Variants in SEC63 observed in about 807,000 individuals in gnomAD.
The protein encoded by SEC63 is translocation protein SEC63 homolog.
A neutral mutation model predicts 116.2 loss-of-function variants in SEC63; 56 were observed. That is an observed-to-expected ratio of 0.48 (90% CI 0.39 to 0.60). SEC63 has a LOEUF of 0.60. Ranked by LOEUF, SEC63 falls within the 20% of genes least tolerant of loss-of-function variation. The pLI, the probability that SEC63 is intolerant of heterozygous loss-of-function variation, is 0.00. For missense variants in SEC63, 668 were observed against 900.0 expected (o/e 0.74, Z 3.30); for synonymous variants, 273 against 294.6 (o/e 0.93, Z 0.75).
chr6:107,912,684 C>T, intron 6 of SEC63, 32 bp downstream of exon 6: 2 of 1,424,580 alleles, frequency 1.4e-6, no homozygotes, highest in Non-Finnish European at 9.9e-7. Context: ...TTGTCTAATA[C>T]ATCATAATGT....
At chr6:107,951,041 C>T (rs1321169445) in intron 1 of SEC63, among the ~76,000 whole-genome samples, 2 of 152,138 alleles carry the variant, frequency 1.3e-5, no homozygotes, top group Admixed American at 6.5e-5. Context: ...CAAAATTATG[C>T]ACTTACAAAT....
Position 107,871,584 on chromosome 6 carries a change from A to G in SEC63, c.*120T>C. The stretch of plus-strand genomic sequence containing the variant: ...AGTTATATTATGCACCCATTTCAAG[A>G]GTAAAAAAACTACACCTCCCTCAAC... On this transcript the variant is annotated 3_prime_UTR_variant, in exon 21 of 21. Coordinates refer to ENST00000369002, the MANE Select transcript of SEC63 (RefSeq NM_007214.5). The G allele has an allele frequency of 1.1e-6, 1 of 884,720 alleles. No homozygotes were observed. The highest frequency in any genetic ancestry group is 1.9e-6 in the Non-Finnish European group (1 of 533,080). 54.8% of individuals were successfully genotyped at this position (884,720 alleles called of 1,614,324 possible).
At chr6:107,954,412 C>A (rs1186910363) in intron 1 of SEC63, among the ~76,000 whole-genome samples, 1 of 148,880 alleles carries the variant, frequency 6.7e-6, no homozygotes, top group Non-Finnish European at 1.5e-5. Flanking sequence ...CCACTATTGT[C>A]CTATGACCCT....
intron 20 of SEC63, 99 bp downstream of exon 20, chr6:107,872,709 T>G: frequency 1.3e-6 from 1 of 756,722 alleles, no homozygotes; most frequent in Admixed American, 2.2e-5. Flanking sequence ...GACTTCTTTT[T>G]CCTTCCATAA....
intron 13 of SEC63, among the ~76,000 whole-genome samples, chr6:107,899,723 AAAAAG>A (rs1158500897): frequency 6.6e-6 from 1 of 151,746 alleles, no homozygotes; most frequent in Non-Finnish European, 1.5e-5. Context: ...TCTCAAAAAA[AAAAAG>A]AAAAGAAAAG....
chr6:107,889,136 T>C (rs547568398), intron 16 of SEC63, among the ~76,000 whole-genome samples: 1 of 152,342 alleles, frequency 6.6e-6, no homozygotes, highest in Non-Finnish European at 1.5e-5. Flanking sequence ...CCTCTTTTTC[T>C]GTTGTTTGGA....
chr6:107,957,057 G>A (rs2114529119), intron 1 of SEC63, among the ~76,000 whole-genome samples: 1 of 151,926 alleles, frequency 6.6e-6, no homozygotes, highest in East Asian at 1.9e-4. Context: ...GCAACAAATG[G>A]ATGCAAACAT....
intron 1 of SEC63, among the ~76,000 whole-genome samples, chr6:107,938,604 C>G (rs1007367010): frequency 6.6e-6 from 1 of 150,672 alleles, no homozygotes; most frequent in South Asian, 2.1e-4. Context: ...ACTCTGTCAC[C>G]CAGGCTGGAG....
chr6:107,902,150 C>G (rs1466993934), intron 12 of SEC63, among the ~76,000 whole-genome samples: 1 of 152,024 alleles, frequency 6.6e-6, no homozygotes, highest in Non-Finnish European at 1.5e-5. Context: ...CTTTTAGATT[C>G]TGAAGTTTTT....
intron 11 of SEC63, among the ~76,000 whole-genome samples, chr6:107,903,818 C>A (rs1379562967): frequency 2.6e-5 from 4 of 152,262 alleles, no homozygotes; most frequent in Middle Eastern, 3.4e-3. Flanking sequence ...AATTTTAAAT[C>A]TTTGCAAACA....
chr6:107,872,066 C>T (rs1464592508), intron 20 of SEC63, among the ~76,000 whole-genome samples: 5 of 152,038 alleles, frequency 3.3e-5, no homozygotes, highest in Admixed American at 3.3e-4. Flanking sequence ...ATTTCTAATA[C>T]AGTTTGATAT....
chr6:107,897,589 T>C (rs924196120), intron 14 of SEC63, 60 bp downstream of exon 14: 5 of 1,188,878 alleles, frequency 4.2e-6, no homozygotes, highest in Admixed American at 1.7e-5. Context: ...ATGAGGGAAA[T>C]AAATATAAAA....
At chr6:107,884,343 A>G (rs1273979397) in intron 16 of SEC63, among the ~76,000 whole-genome samples, 1 of 151,676 alleles carries the variant, frequency 6.6e-6, no homozygotes, top group African/African-American at 2.4e-5. Context: ...AATTGATTAA[A>G]CCCCTAGGCA....
intron 1 of SEC63, among the ~76,000 whole-genome samples, chr6:107,947,302 CAAAACAAAACAA>C (rs1770497945): frequency 6.6e-6 from 1 of 151,074 alleles, no homozygotes; most frequent in Admixed American, 6.6e-5. Flanking sequence ...GTCTCAAAAA[CAAAACAAAACAA>C]AAAACAAAAA....
chr6:107,912,648 A>C, intron 6 of SEC63, 68 bp downstream of exon 6: 3 of 893,178 alleles, frequency 3.4e-6, no homozygotes, highest in Non-Finnish European at 5.6e-6. Flanking sequence ...TTGTATTACC[A>C]AGACAGATTG....
rs955878485 is a variant in SEC63, at chr6:107,868,817, C to T, written c.*2887G>A. The stretch of plus-strand genomic sequence containing the variant: ...TAGCTCCAGTATCCAGTCACAGAGC[C>T]TGGCACATAGAAACTCAGTAAATAT... On this transcript the variant is annotated 3_prime_UTR_variant, in exon 21 of 21. Coordinates refer to ENST00000369002, the MANE Select transcript of SEC63 (RefSeq NM_007214.5). The T allele has an allele frequency of 3.3e-5, 5 of 152,230 alleles. No homozygotes were observed. The highest frequency in any genetic ancestry group is 1.2e-4 in the African/African-American group (5 of 41,544). 9.4% of individuals were successfully genotyped at this position (152,230 alleles called of 1,614,324 possible). A position where few individuals can be genotyped will look rare whatever the true frequency, so the allele number is the denominator to read the frequency against.
intron 16 of SEC63, among the ~76,000 whole-genome samples, chr6:107,888,963 T>G (rs569665939): frequency 8.3e-4 from 127 of 152,356 alleles, no homozygotes; most frequent in Non-Finnish European, 1.7e-3. Context: ...GTGGATAAAC[T>G]TTCTGATGTG....
At chr6:107,953,384 G>C (rs1470861754) in intron 1 of SEC63, among the ~76,000 whole-genome samples, 3 of 152,200 alleles carry the variant, frequency 2.0e-5, no homozygotes, top group Non-Finnish European at 4.4e-5. Flanking sequence ...TGCCCCGTCC[G>C]GGAAGGAGGT....
In SEC63 at chr6:107,958,185, C is replaced by T. The variant is rs1770757593; in HGVS notation, c.-176G>A. The T allele has an allele frequency of 1.1e-6, 1 of 943,058 alleles. No individual in the cohort carries two copies. 58.4% of individuals were successfully genotyped at this position (943,058 alleles called of 1,614,324 possible). A position where few individuals can be genotyped will look rare whatever the true frequency, so the allele number is the denominator to read the frequency against. The stretch of plus-strand genomic sequence containing the variant: ...CCGCCGCCACCTCTGCCGCTGCCGC[C>T]GCCGTCGCCAGCTCTCGCGAGAGGA... On this transcript the variant is annotated 5_prime_UTR_variant, in exon 1 of 21. Coordinates refer to ENST00000369002, the MANE Select transcript of SEC63 (RefSeq NM_007214.5).
Sources: gnomAD v4.1 joint callset for allele counts (sites outside exome capture counted in the v4.1 genomes callset) on GRCh38, gnomAD v4.1.1 for gene constraint, MANE v1.5 for transcripts, NCBI Gene and HGNC (gene_info 2026-07-23, HGNC 2026-07-21) for gene names.